Variants in TMEM225B observed in about 807,000 individuals in gnomAD.
TMEM225B encodes the protein transmembrane protein 225-like.
In TMEM225B, 10 loss-of-function variants were observed where a neutral mutation model predicts 16.9. The observed-to-expected ratio is 0.59, with a 90% CI of 0.36 to 1.00. The LOEUF (loss-of-function observed/expected upper bound fraction) is 1.00. Among genes scored for constraint, TMEM225B ranks in the 50% least tolerant of loss-of-function variants. The pLI is 0.01. For synonymous variants in TMEM225B, 92 were observed against 109.8 expected, an observed-to-expected ratio of 0.84 and a Z score of 1.01; for missense variants, 217 against 267.0, an observed-to-expected ratio of 0.81 and a Z score of 1.30.
chr7:99,599,778 A>G (rs1011024), intron 1 of TMEM225B, among the ~76,000 whole-genome samples: 56,597 of 152,118 alleles, frequency 0.37, 16,841 homozygotes, highest in African/African-American at 0.82. Context: ...GGCTGGTGAG[A>G]CTGTCCTGGC....
At chr7:99,603,558 G>A (rs565147155) in intron 2 of TMEM225B, among the ~76,000 whole-genome samples, 12 of 152,040 alleles carry the variant, frequency 7.9e-5, no homozygotes, top group Non-Finnish European at 1.3e-4. Context: ...TGGGCGTGGT[G>A]GCGGGCGCCT....
intron 2 of TMEM225B, 64 bp downstream of exon 2, chr7:99,600,349 C>A: frequency 2.9e-6 from 2 of 700,610 alleles, no homozygotes; most frequent in Non-Finnish European, 2.6e-6. Flanking sequence ...TGGACAGCAC[C>A]AAGCTGCACT....
chr7:99,603,084 C>T (rs542703619), intron 2 of TMEM225B, among the ~76,000 whole-genome samples: 1 of 152,122 alleles, frequency 6.6e-6, no homozygotes, highest in East Asian at 1.9e-4. Flanking sequence ...GGAGGAACTC[C>T]ACGTGATAGG....
chr7:99,601,238 C>G (rs1193132625), intron 2 of TMEM225B, among the ~76,000 whole-genome samples: 3 of 152,104 alleles, frequency 2.0e-5, no homozygotes, highest in African/African-American at 7.2e-5. Flanking sequence ...AGTGGAAGCC[C>G]TGAGGTTGGG....
chr7:99,603,131 A>G (rs906299210), intron 2 of TMEM225B, among the ~76,000 whole-genome samples: 8 of 152,180 alleles, frequency 5.3e-5, no homozygotes, highest in Admixed American at 2.6e-4. Flanking sequence ...AGGAGGCTCT[A>G]TGAAACACCA....
chr7:99,600,216 G>A lies in TMEM225B; in HGVS notation c.-73G>A, dbSNP rs1454539629. 1.4e-6 allele frequency: 1 copy of A among 703,008 alleles called. No individual in the cohort carries two copies. The highest frequency in any genetic ancestry group is 2.6e-6 in the Non-Finnish European group (1 of 384,988). 43.5% of individuals were successfully genotyped at this position (703,008 alleles called of 1,614,324 possible). ...GTCTCTCTCCCTAGCAGTTCCAAGAGCCTCTGAGTTCCTGCCTTTTTTCAT... is the reference window on the plus strand; with the variant it reads ...GTCTCTCTCCCTAGCAGTTCCAAGAACCTCTGAGTTCCTGCCTTTTTTCAT... On this transcript the variant is annotated 5_prime_UTR_variant, in exon 2 of 6. Transcript: ENST00000431679.
intron 4 of TMEM225B, 25 bp downstream of exon 4, chr7:99,606,919 GA>G: frequency 1.3e-6 from 2 of 1,535,734 alleles, no homozygotes; most frequent in Non-Finnish European, 1.7e-6. Context: ...GGTGATCCCT[GA>G]CCTTCGCTAG....
chr7:99,598,355 G>A lies in TMEM225B; in HGVS notation c.-111G>A. 1.3e-5 allele frequency: 2 copies of A among 152,604 alleles called. No individual in the cohort carries two copies. The highest frequency in any genetic ancestry group is 2.9e-5 in the Non-Finnish European group (2 of 68,240). 9.5% of individuals were successfully genotyped at this position (152,604 alleles called of 1,614,324 possible). A position where few individuals can be genotyped will look rare whatever the true frequency, so the allele number is the denominator to read the frequency against. ...CTGGAGGGCAGCCCAGCTCTGGGAC[G>A]CGAAACCGCCTACGACGGTGCCGCA... is the stretch of plus-strand genomic sequence containing the variant. On this transcript the variant is annotated 5_prime_UTR_variant, in exon 1 of 6. Transcript: ENST00000431679.
chr7:99,603,029 G>T (rs1805487967), intron 2 of TMEM225B, among the ~76,000 whole-genome samples: 1 of 152,154 alleles, frequency 6.6e-6, no homozygotes, highest in Admixed American at 6.5e-5. Context: ...CACAAAAGGA[G>T]ACATCTTAGT....
At chr7:99,609,152 G>A (rs185587545) in intron 5 of TMEM225B, among the ~76,000 whole-genome samples, 21 of 151,762 alleles carry the variant, frequency 1.4e-4, no homozygotes, top group South Asian at 1.0e-3. Flanking sequence ...GGGCAACAGC[G>A]GGACTCCATC....
At chr7:99,602,938 A>G (rs1805483211) in intron 2 of TMEM225B, among the ~76,000 whole-genome samples, 1 of 152,100 alleles carries the variant, frequency 6.6e-6, no homozygotes, top group African/African-American at 2.4e-5. Flanking sequence ...GGCTGGTCTC[A>G]AAACTCCTGA....
At chr7:99,607,627 G>C in intron 4 of TMEM225B, 46 bp from the exon 5 acceptor site, 1 of 1,504,462 alleles carries the variant, frequency 6.6e-7, no homozygotes, top group Non-Finnish European at 8.8e-7. Flanking sequence ...GAGGGAAGGC[G>C]GGTAGCATGG....
At chr7:99,609,541 C>A (rs577063133) in intron 5 of TMEM225B, among the ~76,000 whole-genome samples, 14 of 149,534 alleles carry the variant, frequency 9.4e-5, no homozygotes, top group Non-Finnish European at 1.8e-4. Context: ...TGGGTTCAAG[C>A]AATTCTGCCT....
chr7:99,598,110 C>G (rs1350005211), upstream of TMEM225B: 1 of 152,282 alleles, frequency 6.6e-6, no homozygotes, highest in Non-Finnish European at 1.5e-5. Context: ...GGTTTCCCCA[C>G]CCTCCACCCG....
chr7:99,604,493 C>G lies in TMEM225B; in HGVS notation c.105C>G (p.Pro35=). ...YLIILVVSIF[P]FWVRLTNEES... The stretch of plus-strand genomic sequence containing the variant: ...TTATACTGGTGGTCTCCATCTTTCC[C>G]TTCTGGGTGCGACTGACAAACGAGG... The change falls in exon 3 of 6, where the codon CCC becomes CCG. Residue 35 remains proline, a synonymous_variant. Coordinates refer to ENST00000431679, the MANE Select transcript of TMEM225B (RefSeq NM_001195541.3). 1 of 1,536,138 alleles carries G rather than the reference C, an allele frequency of 6.5e-7. No individual in the cohort carries two copies.
At chr7:99,608,732 TATAC>T (rs1180912786) in intron 5 of TMEM225B, among the ~76,000 whole-genome samples, 3,223 of 125,690 alleles carry the variant, frequency 0.026, 106 homozygotes, top group African/African-American at 0.11. Context: ...TATATATATA[TATAC>T]ACACACACAC....
At chr7:99,598,465 C>G (rs1261650788) in intron 1 of TMEM225B, 84 bp downstream of exon 1, 1 of 152,614 alleles carries the variant, frequency 6.6e-6, no homozygotes, top group African/African-American at 2.4e-5. Flanking sequence ...GGAAGTCCCC[C>G]TACCCACCCA....
chr7:99,608,716 A>AAT (rs770509440), intron 5 of TMEM225B, among the ~76,000 whole-genome samples: 2,396 of 116,242 alleles, frequency 0.021, 34 homozygotes, highest in Middle Eastern at 0.045. Context: ...GTTAAAAAAA[A>AAT]ATATATATAT....
chr7:99,599,886 C>A (rs1460591411), intron 1 of TMEM225B, among the ~76,000 whole-genome samples: 1 of 152,230 alleles, frequency 6.6e-6, no homozygotes, highest in African/African-American at 2.4e-5. Flanking sequence ...TGCTTCTGTA[C>A]AAAAGGATCT....
Sources: allele counts gnomAD v4.1 joint callset (sites outside exome capture counted in the v4.1 genomes callset), GRCh38; gene constraint gnomAD v4.1.1; transcripts MANE v1.5; gene names NCBI Gene and HGNC (gene_info 2026-07-23, HGNC 2026-07-21).